SPINK5: variants seen among roughly 807,000 people sequenced by gnomAD.
SPINK5 encodes the protein serine peptidase inhibitor Kazal type 5.
In SPINK5, 125 loss-of-function variants were observed where a neutral mutation model predicts 151.8. That is an observed-to-expected ratio of 0.82 (90% CI 0.71 to 0.96). The LOEUF is 0.96. SPINK5 is among the 40% of genes least tolerant of loss of function. The pLI is 0.00. For missense variants in SPINK5, 1,194 were observed against 1,291.9 expected (o/e 0.92, Z 1.16); for synonymous variants, 374 against 395.3 (o/e 0.95, Z 0.64).
intron 26 of SPINK5, 94 bp downstream of exon 26, chr5:148,120,485 C>T: frequency 7.0e-7 from 1 of 1,431,416 alleles, no homozygotes; most frequent in Non-Finnish European, 9.6e-7. Flanking sequence ...TGACTCTGTC[C>T]CAATCATTGG....
intron 13 of SPINK5, among the ~76,000 whole-genome samples, chr5:148,101,026 G>A (rs905259430): frequency 5.9e-5 from 9 of 152,128 alleles, no homozygotes; most frequent in Non-Finnish European, 1.2e-4. Flanking sequence ...TAAAGCAAAG[G>A]CTTGGGAGTC....
intron 24 of SPINK5, among the ~76,000 whole-genome samples, chr5:148,119,772 A>G (rs1002735896): frequency 2.0e-5 from 3 of 152,130 alleles, no homozygotes; most frequent in Non-Finnish European, 2.9e-5. Context: ...TTTAAATTCA[A>G]CTGATTAGCA....
chr5:148,095,682 T>G, intron 9 of SPINK5, 136 bp from the exon 10 acceptor site: 2 of 708,694 alleles, frequency 2.8e-6, no homozygotes, highest in South Asian at 1.6e-5. Context: ...AAGGGTCTTT[T>G]TGGGGATTTG....
Position 148,133,790 on chromosome 5 carries a change from G to A in SPINK5, c.3096-7G>A. ...TCGTTGTTGAAGCATCCTCTGATCT[G>A]TTTTAGGATACGCCAAACAAATACA... On this transcript the variant is annotated splice_region_variant and splice_polypyrimidine_tract_variant and intron_variant, in intron 31 of 32. Transcript: ENST00000256084. 6.2e-7 allele frequency: 1 copy of A among 1,613,738 alleles called. No homozygotes were observed. Among genetic ancestry groups the A allele is most frequent in the East Asian group, 2.2e-5 (1 of 44,884 alleles).
In SPINK5 at chr5:148,112,043, C is replaced by G. The variant is rs1327717838; in HGVS notation, c.1820+148C>G. On this transcript the variant is annotated intron_variant, in intron 19 of 32. Coordinates refer to ENST00000256084, the MANE Select transcript of SPINK5 (RefSeq NM_006846.4). ...GTTTGGAAATTTACTATTATAAAGC[C>G]ATATATTCAGCCCATTTATTTCTGG... The G allele has an allele frequency of 5.0e-6, 6 of 1,191,820 alleles. No homozygotes were observed. The East Asian group carries it at 1.5e-4, about 29-fold the overall frequency. 73.8% of individuals were successfully genotyped at this position (1,191,820 alleles called of 1,614,324 possible).
chr5:148,125,676 C>A, intron 28 of SPINK5, 47 bp from the exon 29 acceptor site: 2 of 1,614,104 alleles, frequency 1.2e-6, no homozygotes, highest in Non-Finnish European at 1.7e-6. Context: ...AATCACTAAG[C>A]CAAAAAGGGA....
chr5:148,111,786 C>T lies in SPINK5; in HGVS notation c.1711C>T (p.Arg571Cys), dbSNP rs146290813. The change falls in exon 19 of 33, where the codon CGT becomes TGT. Residue 571 changes from arginine to cysteine, a missense_variant. By Grantham distance (180) the Arg-to-Cys change is radical. Coordinates refer to ENST00000256084, the MANE Select transcript of SPINK5 (RefSeq NM_006846.4). ...EAVQELCSEY[R>C]HYVRNGRLPC... ...TTGGCAGGAGCTGTGCAGTGAATATCGTCATTATGTGAGGAATGGACGACT... is the reference window on the plus strand; with the variant it reads ...TTGGCAGGAGCTGTGCAGTGAATATTGTCATTATGTGAGGAATGGACGACT... The T allele has an allele frequency of 5.0e-6, 8 of 1,613,958 alleles. No homozygotes were observed. Among genetic ancestry groups the T allele is most frequent in the Admixed American group, 3.3e-5 (2 of 60,000 alleles).
chr5:148,097,643 A>T (rs1753504830), intron 10 of SPINK5, among the ~76,000 whole-genome samples: 1 of 152,090 alleles, frequency 6.6e-6, no homozygotes, highest in Admixed American at 6.6e-5. Context: ...AAGAACATAA[A>T]TATAAATAAA....
At chr5:148,123,424 AGAT>A (rs1284927216) in intron 26 of SPINK5, among the ~76,000 whole-genome samples, 124 of 124,814 alleles carry the variant, frequency 9.9e-4, no homozygotes, top group African/African-American at 3.5e-3. Flanking sequence ...TTATATATAT[AGAT>A]ATATATTATC....
intron 18 of SPINK5, among the ~76,000 whole-genome samples, chr5:148,111,386 A>G (rs1452939830): frequency 6.6e-6 from 1 of 152,210 alleles, no homozygotes; most frequent in Non-Finnish European, 1.5e-5. Context: ...ATATCTGAAA[A>G]GCCCTTTTTG....
intron 16 of SPINK5, among the ~76,000 whole-genome samples, chr5:148,105,814 G>T (rs2113136115): frequency 1.3e-5 from 2 of 150,134 alleles, no homozygotes; most frequent in East Asian, 2.0e-4. Flanking sequence ...AGTAGAAATG[G>T]GGTTTCACCA....
At chr5:148,079,529 A>C (rs1249831860) in intron 4 of SPINK5, among the ~76,000 whole-genome samples, 2 of 151,188 alleles carry the variant, frequency 1.3e-5, no homozygotes, top group Non-Finnish European at 3.0e-5. Flanking sequence ...CTGGCAAATG[A>C]ATCTGCAATA....
At position 148,124,446 on chromosome 5, in the gene SPINK5, A is replaced by T. The variant is rs543300103; in HGVS notation, c.2667-319A>T. ...TTTAATTGGAAAAGTAAAAATGAGA[A>T]TTATAGCAACTTTCTAGATGAGAGT... On this transcript the variant is annotated intron_variant, in intron 27 of 32. Transcript: ENST00000256084. Among the ~76,000 whole-genome samples the T allele has an allele frequency of 2.7e-4, 41 of 152,358 alleles. 1 individual carries two copies. In the South Asian group the frequency reaches 7.5e-3, roughly 28 times the overall value.
chr5:148,122,467 G>A (rs1008085478), intron 26 of SPINK5, among the ~76,000 whole-genome samples: 2 of 152,132 alleles, frequency 1.3e-5, no homozygotes, highest in Non-Finnish European at 2.9e-5. Flanking sequence ...TTAAGGTAAT[G>A]TTTCCATATC....
intron 28 of SPINK5, 170 bp from the exon 29 acceptor site, chr5:148,125,553 G>T: frequency 3.7e-6 from 6 of 1,613,434 alleles, no homozygotes; most frequent in African/African-American, 1.3e-5. Flanking sequence ...AGAATGAAGC[G>T]GAGGATGCAA....
chr5:148,069,059 C>A (rs1018818576), intron 2 of SPINK5, among the ~76,000 whole-genome samples: 8 of 151,640 alleles, frequency 5.3e-5, no homozygotes, highest in Non-Finnish European at 8.8e-5. Context: ...CAAGATCATG[C>A]CACTGCACTC....
intron 32 of SPINK5, 97 bp downstream of exon 32, chr5:148,133,984 C>A: frequency 7.7e-7 from 1 of 1,298,836 alleles, no homozygotes; most frequent in Non-Finnish European, 1.1e-6. Context: ...ATTTATCTGG[C>A]CAGAGAGGTG....
chr5:148,088,387 CA>C (rs1753215396), intron 5 of SPINK5, among the ~76,000 whole-genome samples, 154 bp from the exon 6 acceptor site: 1 of 151,832 alleles, frequency 6.6e-6, no homozygotes, highest in Admixed American at 6.6e-5. Context: ...AAGTTATAAA[CA>C]GTGACTTTTA....
At chr5:148,134,072 TA>T (rs1335422069) in intron 32 of SPINK5, 185 bp downstream of exon 32, 1 of 687,462 alleles carries the variant, frequency 1.5e-6, no homozygotes, top group Non-Finnish European at 2.6e-6. Context: ...TAAGTGGAAA[TA>T]ATGTAGCAGT....
Sources: allele counts gnomAD v4.1 joint callset (sites outside exome capture counted in the v4.1 genomes callset), GRCh38; gene constraint gnomAD v4.1.1; transcripts MANE v1.5; gene names NCBI Gene and HGNC (gene_info 2026-07-23, HGNC 2026-07-21).